Variants in CAPN13 observed in about 807,000 individuals in gnomAD.
CAPN13 encodes the protein calpain 13.
Under a neutral mutation model 98.4 loss-of-function variants are expected in CAPN13, and 90 were observed. The ratio of observed to expected loss-of-function variants is 0.92; its 90% confidence interval spans 0.77 to 1.09. The LOEUF is 1.09. CAPN13 is among the 50% of genes least tolerant of loss of function. The pLI is 0.00. For synonymous variants in CAPN13, 330 were observed against 305.5 expected (o/e 1.08, Z -0.84); for missense variants, 887 against 841.3 (o/e 1.05, Z -0.67).
intron 7 of CAPN13, among the ~76,000 whole-genome samples, chr2:30,758,449 C>A (rs569364728): frequency 6.6e-5 from 10 of 152,308 alleles, no homozygotes; most frequent in Admixed American, 5.9e-4. Context: ...AGATAAACAG[C>A]AGGGGATGTT....
At chr2:30,735,834 G>A (rs181690042) in intron 18 of CAPN13, among the ~76,000 whole-genome samples, 12 of 152,298 alleles carry the variant, frequency 7.9e-5, no homozygotes, top group Non-Finnish European at 5.9e-5. Context: ...TATTTGGCAT[G>A]TGTGGGTATA....
At chr2:30,800,152 GAAAGAA>G (rs1200851959) in intron 1 of CAPN13, among the ~76,000 whole-genome samples, 158 of 148,968 alleles carry the variant, frequency 1.1e-3, no homozygotes, top group Admixed American at 2.5e-3. Flanking sequence ...AAGAAAGAAA[GAAAGAA>G]AGAAAGAAAG....
intron 5 of CAPN13, among the ~76,000 whole-genome samples, chr2:30,768,278 AG>A (rs1304433825): frequency 6.6e-6 from 1 of 152,212 alleles, no homozygotes; most frequent in Non-Finnish European, 1.5e-5. Flanking sequence ...GGTACTGGGC[AG>A]GGAATCGGGT....
At chr2:30,787,023 T>C (rs1674319665) in intron 2 of CAPN13, 105 bp downstream of exon 2, 5 of 820,542 alleles carry the variant, frequency 6.1e-6, no homozygotes, top group Non-Finnish European at 9.5e-6. Context: ...TGAATTTCAT[T>C]CTCCTTCCAG....
intron 1 of CAPN13, among the ~76,000 whole-genome samples, chr2:30,792,789 C>T (rs1024856348): frequency 3.3e-5 from 5 of 151,278 alleles, no homozygotes; most frequent in East Asian, 3.9e-4. Context: ...AATATTCTCA[C>T]GAATAGAGAA....
chr2:30,793,066 G>C (rs1453931616), intron 1 of CAPN13, among the ~76,000 whole-genome samples: 3 of 151,980 alleles, frequency 2.0e-5, no homozygotes, highest in African/African-American at 7.2e-5. Flanking sequence ...ATGATGGAAA[G>C]TGCATTTTCT....
chr2:30,751,320 G>A, intron 10 of CAPN13, 69 bp from the exon 11 acceptor site: 2 of 1,548,684 alleles, frequency 1.3e-6, no homozygotes, highest in East Asian at 2.3e-5. Context: ...GCCATGTCCA[G>A]TGCAGAGAGT....
chr2:30,787,679 C>T (rs1674370307), intron 1 of CAPN13, among the ~76,000 whole-genome samples: 1 of 152,170 alleles, frequency 6.6e-6, no homozygotes, highest in Admixed American at 6.5e-5. Context: ...AAAAGGTATC[C>T]ACAGCTTCCC....
At chr2:30,751,770 T>C (rs1035637186) in intron 10 of CAPN13, among the ~76,000 whole-genome samples, 5 of 152,182 alleles carry the variant, frequency 3.3e-5, no homozygotes, top group Admixed American at 6.5e-5. Flanking sequence ...TAGAGATGAA[T>C]TGATACACAT....
intron 1 of CAPN13, among the ~76,000 whole-genome samples, chr2:30,800,157 A>AAAGAAAGAAAGAAAGAAAGAAAGT (rs1675170740): frequency 6.6e-6 from 1 of 150,378 alleles, no homozygotes; most frequent in African/African-American, 2.4e-5. Flanking sequence ...AGAAAGAAAG[A>AAAGAAAGAAAGAAAGAAAGAAAGT]AAGAAAGAAA....
chr2:30,755,048 G>A (rs1390802549), intron 8 of CAPN13, among the ~76,000 whole-genome samples: 1 of 152,092 alleles, frequency 6.6e-6, no homozygotes, highest in Non-Finnish European at 1.5e-5. Context: ...GATGTTACCA[G>A]TTTCTTGCTT....
rs956556026 is a variant in CAPN13, at chr2:30,741,836, G to A, written c.1536+72C>T. 5 of 1,610,636 alleles carry A rather than the reference G, an allele frequency of 3.1e-6. No homozygotes were observed. The African/African-American group carries it at 4.0e-5, about 13-fold the overall frequency. ...CCTCTCTGCATCCCAGTAAGGGCCT[G>A]TGAGAGCTGTCCCTCCCTCAGGTCC... On this transcript the variant is annotated intron_variant, in intron 15 of 22. Transcript: ENST00000295055.
intron 1 of CAPN13, among the ~76,000 whole-genome samples, chr2:30,800,869 T>C (rs894938172): frequency 3.3e-5 from 5 of 152,334 alleles, no homozygotes; most frequent in South Asian, 2.1e-4. Flanking sequence ...AAGGATGAGG[T>C]AGAGCATTCT....
intron 9 of CAPN13, among the ~76,000 whole-genome samples, chr2:30,753,420 G>A (rs1672280444): frequency 1.3e-5 from 2 of 152,168 alleles, no homozygotes; most frequent in Non-Finnish European, 2.9e-5. Context: ...CGGTCACCTG[G>A]CAGCAGCTTT....
Position 30,763,079 on chromosome 2 carries a change from T to C in CAPN13, c.774+3A>G. On this transcript the variant is annotated splice_donor_region_variant and intron_variant, in intron 7 of 22. Coordinates refer to ENST00000295055, the MANE Select transcript of CAPN13 (RefSeq NM_144575.3). ...AGCTGGACAGGCCAGCAGCCAGCCT[T>C]ACCTGCTCAGCCCCAGTCACAGTGT... is the stretch of plus-strand genomic sequence containing the variant. The C allele has an allele frequency of 6.2e-7, 1 of 1,606,472 alleles. No homozygotes were observed. Among genetic ancestry groups the C allele is most frequent in the Non-Finnish European group, 8.5e-7 (1 of 1,176,378 alleles).
chr2:30,772,713 T>C (rs17396800), intron 4 of CAPN13, among the ~76,000 whole-genome samples: 79,092 of 152,112 alleles, frequency 0.52, 21,147 homozygotes, highest in East Asian at 0.62. Flanking sequence ...CTTAGTTGAC[T>C]AGAAGGATAT....
chr2:30,790,892 C>T (rs770218481), intron 1 of CAPN13, among the ~76,000 whole-genome samples: 5 of 152,208 alleles, frequency 3.3e-5, no homozygotes, highest in Non-Finnish European at 7.3e-5. Flanking sequence ...GGGAAGAGAT[C>T]TTTCCCTCAT....
chr2:30,737,192 G>A (rs1317030983), intron 17 of CAPN13: 1 of 152,538 alleles, frequency 6.6e-6, no homozygotes, highest in African/African-American at 2.4e-5. Context: ...GGACCATTTG[G>A]ATTCCTCTGT....
At position 30,789,719 on chromosome 2, in the gene CAPN13, AC is replaced by A. The variant is rs780381125; in HGVS notation, c.-32-2363del. 1.4e-3 allele frequency among the ~76,000 whole-genome samples: 218 copies of A among 152,390 alleles called. 2 individuals carry two copies. The highest frequency in any genetic ancestry group is 4.0e-4 in the Non-Finnish European group (27 of 68,044). On this transcript the variant is annotated intron_variant, in intron 1 of 22. Transcript: ENST00000295055. ...AAACCATGCTCCCAGAACACGCAGC[AC>A]AGTGACTGGTAAGTACAAAGCAGCC...
Sources: allele counts gnomAD v4.1 joint callset (sites outside exome capture counted in the v4.1 genomes callset), GRCh38; gene constraint gnomAD v4.1.1; transcripts MANE v1.5; gene names NCBI Gene and HGNC (gene_info 2026-07-23, HGNC 2026-07-21).